RLF: variants seen among roughly 807,000 people sequenced by gnomAD.
RLF encodes the protein RLF zinc finger.
In RLF, 7 loss-of-function variants were observed where a neutral mutation model predicts 162.9. The ratio of observed to expected loss-of-function variants is 0.04; its 90% CI spans 0.02 to 0.08. The LOEUF (loss-of-function observed/expected upper bound fraction) is 0.08, where lower values mean the gene tolerates loss of function less well. Ranked by LOEUF, RLF falls within the 10% of genes least tolerant of loss-of-function variation. The probability of loss-of-function intolerance (pLI) is 1.00; values close to 1 mark genes in which losing one functional copy is unlikely to be tolerated. For missense variants in RLF, 1,664 were observed against 2,244.7 expected (o/e 0.74, Z 5.23); for synonymous variants, 782 against 791.5 (o/e 0.99, Z 0.20).
At chr1:40,176,929 C>A (rs1201645415) in intron 1 of RLF, among the ~76,000 whole-genome samples, 3 of 151,196 alleles carry the variant, frequency 2.0e-5, no homozygotes, top group Non-Finnish European at 3.0e-5. Flanking sequence ...TGCCTTCTCT[C>A]TTTTTATTAT....
chr1:40,201,126 C>G (rs1449123323), intron 4 of RLF, among the ~76,000 whole-genome samples: 3 of 131,598 alleles, frequency 2.3e-5, no homozygotes, highest in Non-Finnish European at 1.6e-5. Context: ...ATTTCAGGTC[C>G]CAGACCTAAT....
chr1:40,185,399 G>A (rs1264170521), intron 1 of RLF, among the ~76,000 whole-genome samples: 1 of 148,382 alleles, frequency 6.7e-6, no homozygotes, highest in Non-Finnish European at 1.5e-5. Flanking sequence ...CAAAGTGCTG[G>A]GATTACAGGC....
intron 5 of RLF, among the ~76,000 whole-genome samples, chr1:40,213,401 G>A (rs1423944605): frequency 6.6e-6 from 1 of 152,128 alleles, no homozygotes; most frequent in Non-Finnish European, 1.5e-5. Flanking sequence ...ACTGTGATAG[G>A]GTTTAAATGG....
Position 40,240,267 on chromosome 1 carries a change from T to C in RLF, c.5565T>C (p.Pro1855=), listed in dbSNP as rs774618673. The C allele has an allele frequency of 1.2e-6, 2 of 1,614,204 alleles. No individual in the cohort carries two copies. The highest frequency in any genetic ancestry group is 1.7e-6 in the Non-Finnish European group (2 of 1,180,030). The change falls in exon 8 of 8, where the codon CCT becomes CCC. Residue 1855 remains proline (P), a synonymous_variant. Coordinates refer to ENST00000372771, the MANE Select transcript of RLF (RefSeq NM_012421.4). The part of the protein sequence containing the change: ...PLIVAETTTV[P]SLENLRVVLD... ...TAGTAGCTGAAACAACAACAGTTCC[T>C]TCCTTGGAAAACCTGAGGGTTGTAT...
intron 7 of RLF, among the ~76,000 whole-genome samples, chr1:40,232,257 T>C (rs927432631): frequency 7.2e-5 from 11 of 152,182 alleles, no homozygotes; most frequent in African/African-American, 2.6e-4. Flanking sequence ...CTATAGAACT[T>C]GCCTGTTTAA....
intron 1 of RLF, among the ~76,000 whole-genome samples, chr1:40,184,902 C>A (rs928845370): frequency 2.0e-5 from 3 of 151,990 alleles, no homozygotes; most frequent in Non-Finnish European, 4.4e-5. Context: ...TCATTTATTG[C>A]CCCTTTTCTC....
At chr1:40,185,280 G>A (rs920972607) in intron 1 of RLF, among the ~76,000 whole-genome samples, 1 of 151,290 alleles carries the variant, frequency 6.6e-6, no homozygotes, top group African/African-American at 2.4e-5. Context: ...AGAGGCATGC[G>A]CCACCACGCC....
chr1:40,222,586 G>A lies in RLF; in HGVS notation c.823G>A (p.Asp275Asn), dbSNP rs765234296. The A allele has an allele frequency of 3.3e-5, 53 of 1,612,648 alleles. No homozygotes were observed. Among genetic ancestry groups the A allele is most frequent in the Non-Finnish European group, 3.6e-5 (43 of 1,179,472 alleles). Residue 275 changes from aspartate to asparagine, a missense_variant, in exon 6 of 8, where the codon GAC (aspartate) becomes AAC (asparagine). Transcript: ENST00000372771. ...TCATTTTTGATAGATTGCAAAGGTCGACTGCAAGGAAGTACTAGACATCAT... is the reference window on the plus strand; with the variant it reads ...TCATTTTTGATAGATTGCAAAGGTCAACTGCAAGGAAGTACTAGACATCAT... ...EDAIKEIAKV[D>N]CKEVLDIICN...
At chr1:40,176,958 C>T (rs1247432952) in intron 1 of RLF, among the ~76,000 whole-genome samples, 1 of 151,260 alleles carries the variant, frequency 6.6e-6, no homozygotes. Context: ...CAGTATATTT[C>T]TTTCTTTTTT....
intron 5 of RLF, among the ~76,000 whole-genome samples, chr1:40,220,950 G>C (rs1232174156): frequency 6.9e-6 from 1 of 144,892 alleles, no homozygotes; most frequent in Non-Finnish European, 1.5e-5. Context: ...AGCATAGTGA[G>C]ACCTCATCTC....
At chr1:40,203,107 G>GGCTTTT (rs1557749625) in intron 5 of RLF, among the ~76,000 whole-genome samples, 1 of 132,780 alleles carries the variant, frequency 7.5e-6, no homozygotes, top group Non-Finnish European at 1.6e-5. Flanking sequence ...TAAGGGTTGA[G>GGCTTTT]TCTTTTTTTT....
Position 40,237,968 on chromosome 1 carries a change from C to A in RLF, c.3266C>A (p.Pro1089Gln), listed in dbSNP as rs1304245500. ...TTCTCAGGGTCATTGCAGGGGTACC[C>A]ATCCAGTGGTGCTAAGTCTCTTCAG... ...GSFSGSLQGY[P>Q]SSGAKSLQSV... The change falls in exon 8 of 8, where the codon CCA becomes CAA. Residue 1089 changes from proline to glutamine, a missense_variant. Pro to Gln is a moderately conservative substitution (Grantham distance 76). Transcript: ENST00000372771. The surrounding 1 kb of genome is among the most constrained non-coding windows in gnomAD (Gnocchi z 4.4). 6.2e-7 allele frequency: 1 copy of A among 1,613,992 alleles called. No homozygotes were observed. The highest frequency in any genetic ancestry group is 1.3e-5 in the African/African-American group (1 of 74,930).
At chr1:40,172,767 AAAAC>A (rs1642262832) in intron 1 of RLF, among the ~76,000 whole-genome samples, 1 of 152,178 alleles carries the variant, frequency 6.6e-6, no homozygotes. Flanking sequence ...TGCCAACTCA[AAAAC>A]AAAAATGACT....
intron 1 of RLF, among the ~76,000 whole-genome samples, chr1:40,187,239 C>G (rs978897079): frequency 6.6e-6 from 1 of 152,130 alleles, no homozygotes; most frequent in Non-Finnish European, 1.5e-5. Flanking sequence ...CCCATGTTGG[C>G]CAGGATGGTC....
At chr1:40,181,824 C>T (rs1191045026) in intron 1 of RLF, among the ~76,000 whole-genome samples, 1 of 152,130 alleles carries the variant, frequency 6.6e-6, no homozygotes, top group African/African-American at 2.4e-5. Flanking sequence ...GAATTTGACA[C>T]TGTGTAAAGC....
At chr1:40,169,477 G>A (rs1408806754) in intron 1 of RLF, among the ~76,000 whole-genome samples, 3 of 150,698 alleles carry the variant, frequency 2.0e-5, no homozygotes, top group East Asian at 2.0e-4. Flanking sequence ...TTAGCCGGGC[G>A]CGGTGGCGGG....
intron 1 of RLF, among the ~76,000 whole-genome samples, chr1:40,181,325 G>A (rs1018787859): frequency 3.9e-5 from 6 of 152,184 alleles, no homozygotes; most frequent in African/African-American, 1.2e-4. Context: ...AGGTACTTGG[G>A]AGAACGAGAC....
chr1:40,239,052 C>T lies in RLF; in HGVS notation c.4350C>T (p.Gly1450=), dbSNP rs1428188858. The change falls in exon 8 of 8, where the codon GGC becomes GGT. Residue 1450 remains glycine, a synonymous_variant. Transcript: ENST00000372771. ...ATGAAATTCATTGTGATCTTAATGGCTGTGGCCAGATTTTCACCCATCGCA... is the reference window on the plus strand; with the variant it reads ...ATGAAATTCATTGTGATCTTAATGGTTGTGGCCAGATTTTCACCCATCGCA... ...SDYEIHCDLN[G]CGQIFTHRSN... is the part of the protein sequence containing the mutation. The T allele has an allele frequency of 8.1e-6, 13 of 1,614,018 alleles. No individual in the cohort carries two copies. Among genetic ancestry groups the T allele is most frequent in the Non-Finnish European group, 1.1e-5 (13 of 1,180,004 alleles).
intron 1 of RLF, among the ~76,000 whole-genome samples, chr1:40,182,842 A>G (rs1395300455): frequency 6.6e-6 from 1 of 152,192 alleles, no homozygotes; most frequent in African/African-American, 2.4e-5. Context: ...CCTATAACCA[A>G]TATAGAAAAT....
Sources: allele counts gnomAD v4.1 joint callset (sites outside exome capture counted in the v4.1 genomes callset), GRCh38; gene constraint gnomAD v4.1.1; non-coding constraint Gnocchi (gnomAD v3.1); transcripts MANE v1.5; gene names NCBI Gene and HGNC (gene_info 2026-07-23, HGNC 2026-07-21).